FAM50A: variants seen among roughly 807,000 people sequenced by gnomAD.
FAM50A encodes family with sequence similarity 50 member A.
A neutral mutation model predicts 35.5 loss-of-function variants in FAM50A; 6 were observed. The ratio of observed to expected loss-of-function variants is 0.17; its 90% CI spans 0.09 to 0.33. FAM50A has a LOEUF of 0.33. FAM50A is among the 10% of genes least tolerant of loss of function. FAM50A has a pLI of 1.00. For synonymous variants in FAM50A, 120 were observed against 110.9 expected, an observed-to-expected ratio of 1.08 and a Z score of -0.52; for missense variants, 145 against 295.5, an observed-to-expected ratio of 0.49 and a Z score of 3.73.
rs782724097 is a variant in FAM50A at position 154,449,684 on chromosome X, C to T, written c.729C>T (p.Ser243=). 21 of 1,208,324 alleles carry T rather than the reference C, an allele frequency of 1.7e-5. No individual in the cohort carries two copies. Among genetic ancestry groups the T allele is most frequent in the South Asian group, 3.5e-5 (2 of 56,783 alleles). Residue 243 remains serine (S), a synonymous_variant, in exon 9 of 13, where the codon TCC becomes TCT. Coordinates refer to ENST00000393600, the MANE Select transcript of FAM50A (RefSeq NM_004699.4). The part of the protein sequence containing the change: ...ILRKDFSELR[S]AGVEQLMYIK... ...CCCTCCTGCCTTCCTCCCTCAGGTC[C>T]GCAGGGGTGGAGCAGCTCATGTACA...
In FAM50A at chrX:154,448,467, G is replaced by T. The variant is rs1557200075; in HGVS notation, c.443-17G>T. The T allele has an allele frequency of 1.7e-6, 2 of 1,190,869 alleles. No individual in the cohort carries two copies. The highest frequency in any genetic ancestry group is 3.0e-5 in the East Asian group (1 of 33,663). On this transcript the variant is annotated splice_polypyrimidine_tract_variant and intron_variant, in intron 4 of 12. Transcript: ENST00000393600. ...TTTTATAATAATGCTATGATATTCGGCTTCCTTTTGTTCCAGAGATCACCA... is the reference window on the plus strand; with the variant it reads ...TTTTATAATAATGCTATGATATTCGTCTTCCTTTTGTTCCAGAGATCACCA...
intron 1 of FAM50A, 139 bp downstream of exon 1, chrX:154,444,485 T>C: frequency 3.9e-6 from 1 of 255,928 alleles, no homozygotes; most frequent in Non-Finnish European, 6.6e-6. Context: ...GCTCGCTGAC[T>C]TCCAGCAGGG....
rs1277762855 is a variant in FAM50A at position 154,444,190 on chromosome X, GCCGCCGCCGCCGC to G, written c.-31_-19del. On this transcript the variant is annotated 5_prime_UTR_variant, in exon 1 of 13. Coordinates refer to ENST00000393600, the MANE Select transcript of FAM50A (RefSeq NM_004699.4). ...CGCTGCCGCTGCCGCTGTCGCTGTC[GCCGCCGCCGCCGC>G]CCGCCGCCGCCGCCGCCGCCGCCGC... The G allele has an allele frequency of 1.0e-4, 51 of 496,653 alleles. 1 individual carries two copies. Among genetic ancestry groups the G allele is most frequent in the African/African-American group, 3.4e-4 (12 of 35,697 alleles). The allele number at this position is 496,653 out of a possible 1,213,427, so 40.9% of individuals were successfully genotyped here.
At chrX:154,446,151 G>A (rs782390406) in intron 3 of FAM50A, 12 of 443,773 alleles carry the variant, frequency 2.7e-5, no homozygotes, top group South Asian at 1.4e-4. Flanking sequence ...CCCAGCATCC[G>A]GTGCCTGAGC....
chrX:154,449,240 T>C lies in FAM50A; in HGVS notation c.668T>C (p.Met223Thr), dbSNP rs1187769040. The stretch of plus-strand genomic sequence containing the variant: ...ATACAGATGAGAAAGGGCAACACCA[T>C]GCAGCAGTTCCTGCAGAAGGCGCTC... ...RTVKMRKGNT[M>T]QQFLQKALEI... The change falls in exon 8 of 13, where the codon ATG becomes ACG. Residue 223 changes from methionine (M) to threonine (T), a missense_variant. Coordinates refer to ENST00000393600, the MANE Select transcript of FAM50A (RefSeq NM_004699.4). 1.2e-5 allele frequency: 15 copies of C among 1,210,087 alleles called. No individual in the cohort carries two copies. Among genetic ancestry groups the C allele is most frequent in the Non-Finnish European group, 1.5e-5 (13 of 894,249 alleles).
intron 7 of FAM50A, 53 bp from the exon 8 acceptor site, chrX:154,449,168 C>T: frequency 1.9e-6 from 2 of 1,077,001 alleles, no homozygotes; most frequent in Non-Finnish European, 2.6e-6. Flanking sequence ...TTGTTGAGAG[C>T]CCTTCTGCAG....
chrX:154,449,063 T>C (rs1569553611), intron 7 of FAM50A, 109 bp downstream of exon 7: 3 of 927,398 alleles, frequency 3.2e-6, no homozygotes, highest in Non-Finnish European at 4.6e-6. Context: ...ATCCTGAGGA[T>C]AACTGGCTCC....
Position 154,450,198 on chromosome X carries a change from TC to T in FAM50A, c.901-9del. On this transcript the variant is annotated splice_polypyrimidine_tract_variant and intron_variant, in intron 11 of 12. Transcript: ENST00000393600. ...GTCAGCAGGCGGCCCTGTGCCCTCTTCCTCCCTTAGTCCCATGCAGGCAAGG... is the reference window on the plus strand; with the variant it reads ...GTCAGCAGGCGGCCCTGTGCCCTCTTCTCCCTTAGTCCCATGCAGGCAAGG... 2 of 1,207,823 alleles carry T rather than the reference TC, an allele frequency of 1.7e-6. No homozygotes were observed. Among genetic ancestry groups the T allele is most frequent in the Non-Finnish European group, 2.2e-6 (2 of 892,181 alleles).
At chrX:154,446,633 C>T in intron 4 of FAM50A, 73 bp downstream of exon 4, 3 of 1,100,914 alleles carry the variant, frequency 2.7e-6, no homozygotes. Context: ...AGGCTGTCAG[C>T]AAAGCTGATG....
chrX:154,449,606 T>A, intron 8 of FAM50A, 75 bp from the exon 9 acceptor site: 1 of 941,306 alleles, frequency 1.1e-6, no homozygotes, highest in Non-Finnish European at 1.5e-6. Context: ...TGGGCTCTCC[T>A]GGGCTGGCTG....
chrX:154,445,110 G>A (rs781986680), intron 1 of FAM50A, among the ~76,000 whole-genome samples: 22 of 111,189 alleles, frequency 2.0e-4, no homozygotes, highest in Non-Finnish European at 4.2e-4. Flanking sequence ...TGCCCAGCAA[G>A]CAGAAGGTGT....
chrX:154,448,737 C>T lies in FAM50A; in HGVS notation c.567C>T (p.Ala189=). The part of the protein sequence containing the change: ...LREELRQEWE[A]KQEKIKSEEI... The stretch of plus-strand genomic sequence containing the variant: ...AAGAGCTGCGGCAGGAGTGGGAAGC[C>T]AAGCAGGAGAAGATCAAGAGTGAGT... The change falls in exon 6 of 13, where the codon GCC becomes GCT. Residue 189 remains alanine (A), a synonymous_variant. Coordinates refer to ENST00000393600, the MANE Select transcript of FAM50A (RefSeq NM_004699.4). The T allele has an allele frequency of 1.7e-6, 2 of 1,209,761 alleles. No homozygotes were observed. The highest frequency in any genetic ancestry group is 3.5e-5 in the South Asian group (2 of 56,900).
At chrX:154,449,650 T>C in intron 8 of FAM50A, 31 bp from the exon 9 acceptor site, 1 of 1,189,888 alleles carries the variant, frequency 8.4e-7, no homozygotes, top group Non-Finnish European at 1.1e-6. Flanking sequence ...TGCTGTCCTC[T>C]TGCCCACGCC....
chrX:154,448,072 C>CTTT (rs781847663), intron 4 of FAM50A, among the ~76,000 whole-genome samples: 1 of 82,881 alleles, frequency 1.2e-5, no homozygotes, highest in Non-Finnish European at 2.2e-5. Flanking sequence ...TTTTTTCTTT[C>CTTT]TTTTTTTTTT....
chrX:154,450,454 C>A lies in FAM50A; in HGVS notation c.*22C>A. The A allele has an allele frequency of 8.3e-7, 1 of 1,207,440 alleles. No individual in the cohort carries two copies. The highest frequency in any genetic ancestry group is 1.1e-6 in the Non-Finnish European group (1 of 892,417). On this transcript the variant is annotated 3_prime_UTR_variant, in exon 13 of 13. Transcript: ENST00000393600. ...CTGAGCATCCAGGAGGCTGCGCGGC[C>A]CCGGCTCCTCAGCTCCCTCAGTGTG...
chrX:154,450,343 C>T (rs1557200404), intron 12 of FAM50A, 24 bp downstream of exon 12: 2 of 1,203,219 alleles, frequency 1.7e-6, no homozygotes, highest in Admixed American at 4.4e-5. Context: ...GGCAGGGACC[C>T]CTCCAAGTTG....
At chrX:154,444,404 C>T in intron 1 of FAM50A, 58 bp downstream of exon 1, 1 of 777,528 alleles carries the variant, frequency 1.3e-6, no homozygotes. Context: ...CGGCCCCGCG[C>T]CACGCTCCGG....
intron 2 of FAM50A, 32 bp downstream of exon 2, chrX:154,445,749 C>T: frequency 8.4e-7 from 1 of 1,188,135 alleles, no homozygotes. Flanking sequence ...CTCACCCGGG[C>T]CCCGGGCCAC....
intron 12 of FAM50A, 51 bp from the exon 13 acceptor site, chrX:154,450,373 G>A: frequency 8.3e-7 from 1 of 1,208,998 alleles, no homozygotes; most frequent in Non-Finnish European, 1.1e-6. Context: ...GCCAGCCCCT[G>A]CTCACCCCTC....
Sources: gnomAD v4.1 joint callset for allele counts (sites outside exome capture counted in the v4.1 genomes callset) on GRCh38, gnomAD v4.1.1 for gene constraint, MANE v1.5 for transcripts, NCBI Gene and HGNC (gene_info 2026-07-23, HGNC 2026-07-21) for gene names.